The following GPM6A variants were observed in gnomAD, a reference collection of about 807,000 sequenced individuals.
The protein encoded by GPM6A is neuronal membrane glycoprotein M6-a.
Under a neutral mutation model 32.1 loss-of-function variants are expected in GPM6A, and 7 were observed. The ratio of observed to expected loss-of-function variants is 0.22; its 90% CI spans 0.12 to 0.41. The LOEUF is 0.41. GPM6A is among the 10% of genes least tolerant of loss of function. The pLI, the probability that GPM6A is intolerant of heterozygous loss-of-function variation, is 1.00. For synonymous variants in GPM6A, 130 were observed against 123.4 expected (o/e 1.05, Z -0.35); for missense variants, 235 against 347.2 (o/e 0.68, Z 2.57).
At chr4:175,760,552 G>C (rs999815500) in intron 1 of GPM6A, among the ~76,000 whole-genome samples, 1 of 152,004 alleles carries the variant, frequency 6.6e-6, no homozygotes, top group Admixed American at 6.6e-5. Context: ...ATGTTTTAGA[G>C]GTTTAAGATA....
At chr4:175,669,129 G>T (rs1186120346) in intron 3 of GPM6A, among the ~76,000 whole-genome samples, 1 of 152,080 alleles carries the variant, frequency 6.6e-6, no homozygotes, top group Admixed American at 6.5e-5. Flanking sequence ...TATAGTATGG[G>T]CATATATAAG....
At chr4:175,840,367 G>C (rs1041179644) in intron 1 of GPM6A, among the ~76,000 whole-genome samples, 2 of 152,170 alleles carry the variant, frequency 1.3e-5, no homozygotes, top group African/African-American at 4.8e-5. Context: ...TGGAAGAATA[G>C]AGAGTAAACG....
intron 1 of GPM6A, among the ~76,000 whole-genome samples, chr4:175,954,716 T>C (rs1293034716): frequency 6.6e-6 from 1 of 152,240 alleles, no homozygotes; most frequent in Non-Finnish European, 1.5e-5. Flanking sequence ...GTAGTCCAGC[T>C]ACATCCCTTT....
chr4:175,636,897 TTGGAG>T (rs1740651908), intron 6 of GPM6A, among the ~76,000 whole-genome samples: 1 of 142,058 alleles, frequency 7.0e-6, no homozygotes, highest in Non-Finnish European at 1.5e-5. Flanking sequence ...TGTTTCTGAA[TTGGAG>T]TGATCTTGAA....
intron 1 of GPM6A, among the ~76,000 whole-genome samples, chr4:175,965,105 C>T (rs1740292438): frequency 6.6e-6 from 1 of 152,184 alleles, no homozygotes; most frequent in African/African-American, 2.4e-5. Flanking sequence ...CTAACAACAG[C>T]AGACTACCCA....
intron 2 of GPM6A, among the ~76,000 whole-genome samples, chr4:175,677,294 A>G (rs1466970887): frequency 6.6e-6 from 1 of 152,142 alleles, no homozygotes; most frequent in Non-Finnish European, 1.5e-5. Flanking sequence ...CTGAAATGTT[A>G]TGTTTCGGTA....
intron 6 of GPM6A, among the ~76,000 whole-genome samples, chr4:175,635,271 T>C (rs999875813): frequency 2.0e-5 from 3 of 152,198 alleles, no homozygotes; most frequent in Admixed American, 6.5e-5. Context: ...TTTCTTTCAG[T>C]ATCTCTTTCT....
intron 1 of GPM6A, chr4:175,807,043 G>T (rs914649562): frequency 6.6e-6 from 1 of 152,090 alleles, no homozygotes; most frequent in African/African-American, 2.4e-5. Context: ...AAAGATTTTT[G>T]ATGTTGTTTT....
intron 1 of GPM6A, among the ~76,000 whole-genome samples, chr4:175,936,285 G>A (rs141776094): frequency 0.13 from 13,420 of 107,076 alleles, 753 homozygotes; most frequent in South Asian, 0.24. Context: ...CAGCCTGGGC[G>A]ACACAGCGAG....
intron 1 of GPM6A, among the ~76,000 whole-genome samples, chr4:175,896,881 C>T (rs1303542349): frequency 6.6e-6 from 1 of 152,094 alleles, no homozygotes; most frequent in African/African-American, 2.4e-5. Flanking sequence ...TCAAATCACC[C>T]AGAAATCCTC....
At chr4:175,772,317 G>A (rs1190591548) in intron 1 of GPM6A, among the ~76,000 whole-genome samples, 1 of 152,180 alleles carries the variant, frequency 6.6e-6, no homozygotes. Flanking sequence ...TTTGAAAGAG[G>A]CTTTGGTTAG....
chr4:175,756,558 C>T (rs1186883971), intron 1 of GPM6A, among the ~76,000 whole-genome samples: 1 of 151,954 alleles, frequency 6.6e-6, no homozygotes, highest in Non-Finnish European at 1.5e-5. Flanking sequence ...TTGGGTTTGA[C>T]AGGATAGGAC....
At chr4:175,790,052 C>A (rs1326000171) in intron 1 of GPM6A, among the ~76,000 whole-genome samples, 1 of 152,164 alleles carries the variant, frequency 6.6e-6, no homozygotes, top group Non-Finnish European at 1.5e-5. Context: ...ATTTCGTAAT[C>A]ATCTAAGTGA....
chr4:175,736,443 C>T (rs532031923), intron 1 of GPM6A, among the ~76,000 whole-genome samples: 4 of 152,238 alleles, frequency 2.6e-5, no homozygotes, highest in African/African-American at 9.6e-5. Flanking sequence ...ACCTCATTAC[C>T]AAGTTATTTT....
rs570419430 is a variant in GPM6A, at chr4:175,948,498, GTCTATTGTATTGTGT to G, written c.-23+53796_-23+53810del. Reference sequence around the variant, plus strand: ...AAAGGTTTGTTGATTAAGCCCCACAGTCTATTGTATTGTGTTACAGCAGTCCAAACTAAGATGCCA... The same window carrying G: ...AAAGGTTTGTTGATTAAGCCCCACAGTACAGCAGTCCAAACTAAGATGCCA... On this transcript the variant is annotated intron_variant, in intron 1 of 7. Coordinates refer to the GPM6A transcript ENST00000280187. Among the ~76,000 whole-genome samples, 4 of 152,272 alleles carry G rather than the reference GTCTATTGTATTGTGT, an allele frequency of 2.6e-5. No homozygotes were observed. In the South Asian group the frequency reaches 8.3e-4, roughly 32 times the overall value.
In GPM6A at chr4:175,812,234, C is replaced by T. The variant is rs2111332065; in HGVS notation, c.-7G>A. The stretch of plus-strand genomic sequence containing the variant: ...CTTCCATATTCTCTTCCATGGCTAC[C>T]TTTCTTCAGTAGAATCTGGTACACG... On this transcript the variant is annotated 5_prime_UTR_variant, in exon 1 of 7. Coordinates refer to ENST00000393658, the MANE Select transcript of GPM6A (RefSeq NM_201591.3). 6.5e-7 allele frequency: 1 copy of T among 1,548,786 alleles called. No individual in the cohort carries two copies. Among genetic ancestry groups the T allele is most frequent in the Non-Finnish European group, 8.7e-7 (1 of 1,144,686 alleles).
intron 1 of GPM6A, among the ~76,000 whole-genome samples, chr4:175,856,626 A>C (rs897974662): frequency 1.6e-4 from 25 of 152,158 alleles, no homozygotes; most frequent in Non-Finnish European, 3.2e-4. Flanking sequence ...ATCCAGGAAG[A>C]ATCAGGTTAC....
chr4:175,749,414 G>A (rs1003113800), intron 1 of GPM6A, among the ~76,000 whole-genome samples: 9 of 152,066 alleles, frequency 5.9e-5, no homozygotes, highest in Admixed American at 3.3e-4. Flanking sequence ...TGCTGGACAC[G>A]GTTGCCACAA....
chr4:175,650,334 T>G (rs1353169676), intron 4 of GPM6A, among the ~76,000 whole-genome samples: 2 of 151,398 alleles, frequency 1.3e-5, no homozygotes, highest in Admixed American at 1.3e-4. Context: ...AGATGGAGTC[T>G]CACTCTGTTG....
Sources: allele counts gnomAD v4.1 joint callset (sites outside exome capture counted in the v4.1 genomes callset), GRCh38; gene constraint gnomAD v4.1.1; transcripts MANE v1.5; gene names NCBI Gene and HGNC (gene_info 2026-07-23, HGNC 2026-07-21).